ARID1B: variants seen among roughly 807,000 people sequenced by gnomAD.
ARID1B encodes AT-rich interaction domain 1B, also known as AT-rich interactive domain-containing protein 1B.
ARID1B carries 30 observed loss-of-function variants against 212.3 expected under a neutral mutation model. The ratio of observed to expected loss-of-function variants is 0.14; its 90% confidence interval spans 0.11 to 0.19. The LOEUF (loss-of-function observed/expected upper bound fraction) is 0.19, where lower values mean the gene tolerates loss of function less well. Ranked by LOEUF, ARID1B falls within the 10% of genes least tolerant of loss-of-function variation. The probability of loss-of-function intolerance (pLI) is 1.00; values close to 1 mark genes in which losing one functional copy is unlikely to be tolerated. For synonymous variants in ARID1B, 1,402 were observed against 1,301.7 expected, an observed-to-expected ratio of 1.08 and a Z score of -1.66; for missense variants, 2,891 against 3,204.0, an observed-to-expected ratio of 0.90 and a Z score of 2.36.
intron 9 of ARID1B, among the ~76,000 whole-genome samples, chr6:157,172,197 C>A (rs1791759111): frequency 6.6e-6 from 1 of 152,154 alleles, no homozygotes; most frequent in Non-Finnish European, 1.5e-5. Flanking sequence ...TTTACTAATT[C>A]ATATCTCGTT....
intron 4 of ARID1B, among the ~76,000 whole-genome samples, chr6:157,077,038 TCA>T (rs1337137165): frequency 2.7e-4 from 41 of 152,344 alleles, no homozygotes; most frequent in African/African-American, 8.7e-4. Flanking sequence ...ATCTTTCAAC[TCA>T]TGTTTTTCAT....
In ARID1B at chr6:156,935,490, A is replaced by C. The variant is rs2128274622; in HGVS notation, c.2161A>C (p.Thr721Pro). 1 of 1,613,748 alleles carries C rather than the reference A, an allele frequency of 6.2e-7. No homozygotes were observed. Among genetic ancestry groups the C allele is most frequent in the Non-Finnish European group, 8.5e-7 (1 of 1,179,702 alleles). Residue 721 changes from threonine to proline, a missense_variant, in exon 4 of 20, where the codon ACT becomes CCT. By Grantham distance (38) the Thr-to-Pro change is conservative. This residue lies in a region of ARID1B where 1,643 missense variants were observed against 1,544.0 expected (regional missense o/e 1.06). Transcript: ENST00000636930. The part of the protein sequence containing the change: ...QQDMSQEGYG[T>P]RSQPPLAPGK... ...GGACATGTCTCAGGAAGGCTATGGAACTAGATCTCAACCTCCTCTGGCCCC... is the reference window on the plus strand; with the variant it reads ...GGACATGTCTCAGGAAGGCTATGGACCTAGATCTCAACCTCCTCTGGCCCC...
rs1236394381 is a variant in ARID1B at position 157,174,758 on chromosome 6, A to G, written c.3346-89A>G. On this transcript the variant is annotated intron_variant, in intron 10 of 19. Coordinates refer to ENST00000636930, the MANE Select transcript of ARID1B (RefSeq NM_001374828.1). ...TATATATAATATATATAAAAAAATT[A>G]GTTTGTTAAAGTGGATGTACTTTTT... The G allele has an allele frequency of 8.1e-6, 5 of 615,446 alleles. No homozygotes were observed. In the African/African-American group the frequency reaches 9.9e-5, roughly 12 times the overall value. The allele number at this position is 615,446 out of a possible 1,614,324, so 38.1% of individuals were successfully genotyped here. A position where few individuals can be genotyped will look rare whatever the true frequency, so the allele number is the denominator to read the frequency against.
At chr6:157,151,926 G>C (rs775698665) in intron 8 of ARID1B, 8 of 152,214 alleles carry the variant, frequency 5.3e-5, no homozygotes, top group Non-Finnish European at 8.8e-5. Context: ...GGAATCGAGA[G>C]TTCTAAAGTC....
At chr6:156,852,975 T>C (rs1784680108) in intron 2 of ARID1B, among the ~76,000 whole-genome samples, 1 of 152,234 alleles carries the variant, frequency 6.6e-6, no homozygotes, top group South Asian at 2.1e-4. Context: ...TAGCCTGTTA[T>C]AATGCTGATA....
intron 2 of ARID1B, among the ~76,000 whole-genome samples, chr6:156,891,728 C>T (rs12196864): frequency 0.44 from 63,823 of 143,952 alleles, 13,443 homozygotes; most frequent in African/African-American, 0.52. Flanking sequence ...CACCTCTGCT[C>T]TTTTTTTTCC....
intron 6 of ARID1B, among the ~76,000 whole-genome samples, chr6:157,112,486 A>C (rs890246777): frequency 4.6e-5 from 7 of 152,358 alleles, no homozygotes; most frequent in African/African-American, 1.4e-4. Flanking sequence ...GATTCACCCC[A>C]TAACCCTGTA....
intron 4 of ARID1B, among the ~76,000 whole-genome samples, chr6:157,074,296 A>G (rs1204889650): frequency 6.6e-6 from 1 of 152,126 alleles, no homozygotes; most frequent in Non-Finnish European, 1.5e-5. Context: ...GCACACTCTC[A>G]GCTCACTGCA....
chr6:157,039,700 T>C (rs1781669592), intron 4 of ARID1B, among the ~76,000 whole-genome samples: 1 of 138,490 alleles, frequency 7.2e-6, no homozygotes, highest in Admixed American at 7.2e-5. Context: ...CTTCCTTCTT[T>C]CTTTCCTTTC....
At chr6:156,779,498 T>C in intron 1 of ARID1B, 27 bp downstream of exon 1, 1 of 1,313,088 alleles carries the variant, frequency 7.6e-7, no homozygotes. Context: ...CCGGGCCTGC[T>C]TCCGCCCGGC....
intron 4 of ARID1B, among the ~76,000 whole-genome samples, chr6:157,064,330 T>C (rs1360261883): frequency 6.6e-6 from 1 of 152,206 alleles, no homozygotes; most frequent in Non-Finnish European, 1.5e-5. Context: ...ATACTTGTTT[T>C]TCATGAGACT....
intron 4 of ARID1B, chr6:156,936,907 A>G (rs1792280703): frequency 6.6e-6 from 1 of 152,188 alleles, no homozygotes; most frequent in Non-Finnish European, 1.5e-5. Context: ...ACCATACCAT[A>G]TACATTTTAA....
intron 4 of ARID1B, among the ~76,000 whole-genome samples, chr6:157,076,547 C>CTTTTTTTTTTTTTTTTTTTTTTTTTTT (rs767248750): frequency 6.7e-6 from 1 of 149,166 alleles, no homozygotes; most frequent in Non-Finnish European, 1.5e-5. Flanking sequence ...AGGCTCATGC[C>CTTTTTTTTTTTTTTTTTTTTTTTTTTT]TTTTTATTGT....
intron 4 of ARID1B, among the ~76,000 whole-genome samples, chr6:157,042,824 A>G (rs943614960): frequency 6.6e-6 from 1 of 151,874 alleles, no homozygotes; most frequent in Non-Finnish European, 1.5e-5. Flanking sequence ...ACGCCCAGCT[A>G]AGTTTTTTGT....
At chr6:156,918,251 T>G (rs2128236487) in intron 3 of ARID1B, among the ~76,000 whole-genome samples, 1 of 152,320 alleles carries the variant, frequency 6.6e-6, no homozygotes, top group South Asian at 2.1e-4. Context: ...GTTCCTTATA[T>G]TGTTGTTATT....
chr6:156,886,183 A>G (rs1340829384), intron 2 of ARID1B, among the ~76,000 whole-genome samples: 2 of 152,132 alleles, frequency 1.3e-5, no homozygotes, highest in East Asian at 1.9e-4. Flanking sequence ...AGATTTTACA[A>G]TTTTAGTGTT....
chr6:156,789,428 A>G (rs2115166463), intron 1 of ARID1B, among the ~76,000 whole-genome samples: 1 of 152,312 alleles, frequency 6.6e-6, no homozygotes, highest in East Asian at 1.9e-4. Flanking sequence ...TGAAGAGCTC[A>G]CTGTGTGCCA....
chr6:157,151,339 A>C (rs1185570168), intron 8 of ARID1B: 1 of 152,216 alleles, frequency 6.6e-6, no homozygotes, highest in South Asian at 2.1e-4. Flanking sequence ...TCATTTGACA[A>C]GAGACTCACT....
intron 3 of ARID1B, among the ~76,000 whole-genome samples, chr6:156,922,652 A>G (rs1318421036): frequency 6.6e-6 from 1 of 152,238 alleles, no homozygotes; most frequent in Non-Finnish European, 1.5e-5. Flanking sequence ...AAACATCTCT[A>G]TGAAATTATG....
Sources: allele counts gnomAD v4.1 joint callset (sites outside exome capture counted in the v4.1 genomes callset), GRCh38; gene constraint gnomAD v4.1.1; regional missense constraint gnomAD v4.1.1; transcripts MANE v1.5; gene names NCBI Gene and HGNC (gene_info 2026-07-23, HGNC 2026-07-21).